Variants in ARIH2 observed in about 807,000 individuals in gnomAD.
The protein encoded by ARIH2 is ariadne RBR E3 ubiquitin protein ligase 2, also known as E3 ubiquitin-protein ligase ARIH2.
A neutral mutation model predicts 79.8 loss-of-function variants in ARIH2; 12 were observed. The ratio of observed to expected loss-of-function variants is 0.15; its 90% CI spans 0.10 to 0.24. ARIH2 has a LOEUF of 0.24. Ranked by LOEUF, ARIH2 falls within the 10% of genes least tolerant of loss-of-function variation. The pLI, the probability that ARIH2 is intolerant of heterozygous loss-of-function variation, is 1.00. For missense variants in ARIH2, 301 were observed against 618.3 expected, an observed-to-expected ratio of 0.49 and a Z score of 5.44; for synonymous variants, 224 against 213.9, an observed-to-expected ratio of 1.05 and a Z score of -0.41.
chr3:48,946,268 T>TG (rs2089129603), intron 3 of ARIH2, among the ~76,000 whole-genome samples: 2 of 151,948 alleles, frequency 1.3e-5, no homozygotes, highest in Admixed American at 1.3e-4. Flanking sequence ...ACATTTACTA[T>TG]GTTATTCATT....
chr3:48,974,230 C>T (rs984778584), intron 9 of ARIH2, among the ~76,000 whole-genome samples: 1 of 152,116 alleles, frequency 6.6e-6, no homozygotes, highest in Non-Finnish European at 1.5e-5. Context: ...CCTGTGGGCT[C>T]TAGGGGCCAC....
chr3:48,934,734 T>C, intron 3 of ARIH2: 3 of 985,452 alleles, frequency 3.0e-6, no homozygotes, highest in Non-Finnish European at 3.6e-6. Context: ...ACATTGAGAA[T>C]GGCCTAAATA....
At chr3:48,946,438 C>G (rs2107316003) in intron 3 of ARIH2, among the ~76,000 whole-genome samples, 1 of 151,014 alleles carries the variant, frequency 6.6e-6, no homozygotes, top group East Asian at 2.0e-4. Context: ...CCACTATAGT[C>G]TGTGCATTTT....
chr3:48,960,437 C>T (rs555835491), intron 3 of ARIH2, among the ~76,000 whole-genome samples: 16 of 151,040 alleles, frequency 1.1e-4, no homozygotes, highest in African/African-American at 1.9e-4. Flanking sequence ...CCTAGACAAC[C>T]GTAGTGCAGC....
At chr3:48,981,982 G>T (rs2092767794) in intron 14 of ARIH2, among the ~76,000 whole-genome samples, 1 of 152,202 alleles carries the variant, frequency 6.6e-6, no homozygotes, top group Non-Finnish European at 1.5e-5. Flanking sequence ...TGGCTAAAAA[G>T]GTCTGTGGCC....
In ARIH2 at chr3:48,986,156, G is replaced by C. The variant is rs760958991; in HGVS notation, c.*2886G>C. The C allele has an allele frequency of 6.6e-6, 1 of 152,208 alleles. No individual in the cohort carries two copies. The highest frequency in any genetic ancestry group is 2.4e-5 in the African/African-American group (1 of 41,440). The allele number at this position is 152,208 out of a possible 1,614,324, so 9.4% of individuals were successfully genotyped here. A position where few individuals can be genotyped will look rare whatever the true frequency, so the allele number is the denominator to read the frequency against. ...AACATGCACAGGGCACCTGTGGCTAGAAGAGGCCTCATACATTGCCAGTCT... is the reference window on the plus strand; with the variant it reads ...AACATGCACAGGGCACCTGTGGCTACAAGAGGCCTCATACATTGCCAGTCT... On this transcript the variant is annotated 3_prime_UTR_variant, in exon 16 of 16. Transcript: ENST00000356401.
chr3:48,961,462 TAAAAGAC>T (rs2091254620), intron 3 of ARIH2, 143 bp from the exon 4 acceptor site: 4 of 522,270 alleles, frequency 7.7e-6, no homozygotes, highest in Non-Finnish European at 3.5e-6. Flanking sequence ...AGTCTAAACT[TAAAAGAC>T]AAAGCAGAGA....
At chr3:48,983,079 A>G in intron 15 of ARIH2, 100 bp downstream of exon 15, 2 of 1,495,654 alleles carry the variant, frequency 1.3e-6, no homozygotes, top group South Asian at 1.1e-5. Flanking sequence ...AGCTGCTGCT[A>G]AGAATGGGAA....
At chr3:48,940,383 TAAAA>T (rs1215243665) in intron 3 of ARIH2, among the ~76,000 whole-genome samples, 69 of 151,502 alleles carry the variant, frequency 4.6e-4, no homozygotes, top group African/African-American at 1.5e-3. Flanking sequence ...ATTAGATAGA[TAAAA>T]AGAGAGAGAG....
intron 3 of ARIH2, among the ~76,000 whole-genome samples, chr3:48,928,422 A>G: frequency 6.6e-6 from 1 of 152,200 alleles, no homozygotes; most frequent in East Asian, 1.9e-4. Flanking sequence ...ATACCTTTGG[A>G]TGTCTTGTAC....
chr3:48,980,342 G>T lies in ARIH2; in HGVS notation c.1114-11G>T. 1.2e-6 allele frequency: 2 copies of T among 1,611,720 alleles called. No homozygotes were observed. Among genetic ancestry groups the T allele is most frequent in the South Asian group, 1.1e-5 (1 of 90,910 alleles). Reference sequence around the variant, plus strand: ...ACTCCTGTGGTTTTCTTCTTCTTCTGTGCCCTGTAGTGGGAAAACCACAAT... The same window carrying T: ...ACTCCTGTGGTTTTCTTCTTCTTCTTTGCCCTGTAGTGGGAAAACCACAAT... On this transcript the variant is annotated splice_polypyrimidine_tract_variant and intron_variant, in intron 12 of 15. Coordinates refer to ENST00000356401, the MANE Select transcript of ARIH2 (RefSeq NM_006321.4).
intron 3 of ARIH2, among the ~76,000 whole-genome samples, chr3:48,958,985 GC>G (rs746227416): frequency 1.3e-5 from 2 of 152,012 alleles, no homozygotes; most frequent in Non-Finnish European, 2.9e-5. Context: ...CTGCACTCCA[GC>G]CTGGGAAACA....
chr3:48,929,967 A>T (rs904143618), intron 3 of ARIH2, among the ~76,000 whole-genome samples: 32 of 152,374 alleles, frequency 2.1e-4, no homozygotes, highest in African/African-American at 7.7e-4. Context: ...GAGAAGGAAG[A>T]GAGTTGAAAC....
At chr3:48,957,895 T>C (rs751592016) in intron 3 of ARIH2, among the ~76,000 whole-genome samples, 4 of 152,104 alleles carry the variant, frequency 2.6e-5, no homozygotes, top group Non-Finnish European at 5.9e-5. Flanking sequence ...TTTGTATTTT[T>C]AGTAGCGACG....
In ARIH2 at chr3:48,947,795, A is replaced by G. The variant is rs573577811; in HGVS notation, c.256-13817A>G. On this transcript the variant is annotated intron_variant, in intron 3 of 15. Coordinates refer to ENST00000356401, the MANE Select transcript of ARIH2 (RefSeq NM_006321.4). ...AGAGCTTTAAATAATTGTACAGTGG[A>G]CATTCATATACTATACCATCTAGAT... is the stretch of plus-strand genomic sequence containing the variant. 2.6e-5 allele frequency among the ~76,000 whole-genome samples: 4 copies of G among 152,326 alleles called. No homozygotes were observed. The South Asian group carries it at 8.3e-4, about 32-fold the overall frequency.
intron 1 of ARIH2, chr3:48,919,399 C>G: frequency 5.2e-6 from 2 of 387,160 alleles, no homozygotes; most frequent in Non-Finnish European, 9.1e-6. Context: ...ATCCCCAGCT[C>G]GCGGGCTCCG....
intron 3 of ARIH2, among the ~76,000 whole-genome samples, chr3:48,956,439 CTTTTTTTTTTTTTTTTTT>C (rs34693818): frequency 2.8e-4 from 10 of 36,256 alleles, no homozygotes; most frequent in South Asian, 1.2e-3. Flanking sequence ...GCGCCCGGCA[CTTTTTTTTTTTTTTTTTT>C]TTTTTTTTTT....
At chr3:48,963,469 T>C (rs1353796025) in intron 4 of ARIH2, among the ~76,000 whole-genome samples, 1 of 152,190 alleles carries the variant, frequency 6.6e-6, no homozygotes, top group Non-Finnish European at 1.5e-5. Context: ...ACATAATTCT[T>C]TTCTGCTCCA....
intron 3 of ARIH2, among the ~76,000 whole-genome samples, chr3:48,940,358 A>AAGAT (rs1410880473): frequency 6.6e-6 from 1 of 152,072 alleles, no homozygotes; most frequent in African/African-American, 2.4e-5. Context: ...TGATTTTAAA[A>AAGAT]AGATAGATAG....
Sources: allele counts gnomAD v4.1 joint callset (sites outside exome capture counted in the v4.1 genomes callset), GRCh38; gene constraint gnomAD v4.1.1; transcripts MANE v1.5; gene names NCBI Gene and HGNC (gene_info 2026-07-23, HGNC 2026-07-21).